CA10: variants seen among roughly 807,000 people sequenced by gnomAD.
The protein encoded by CA10 is carbonic anhydrase-related protein 10.
Under a neutral mutation model 44.2 loss-of-function variants are expected in CA10, and 14 were observed. The ratio of observed to expected loss-of-function variants is 0.32; its 90% CI spans 0.21 to 0.50. CA10 has a LOEUF of 0.50. Among genes scored for constraint, CA10 ranks in the 20% least tolerant of loss-of-function variants. The pLI is 0.99. For synonymous variants in CA10, 159 were observed against 141.6 expected (o/e 1.12, Z -0.87); for missense variants, 350 against 409.7 (o/e 0.85, Z 1.26).
chr17:51,871,480 T>C (rs977190588), intron 3 of CA10, among the ~76,000 whole-genome samples: 4 of 144,684 alleles, frequency 2.8e-5, no homozygotes, highest in Non-Finnish European at 4.5e-5. Context: ...CCTCAGGTGA[T>C]CCACCTGCCT....
At chr17:51,884,048 T>G (rs1980490171) in intron 3 of CA10, among the ~76,000 whole-genome samples, 1 of 152,184 alleles carries the variant, frequency 6.6e-6, no homozygotes, top group Admixed American at 6.5e-5. Flanking sequence ...GACCCTTCTT[T>G]TTTCTTTGCA....
intron 3 of CA10, among the ~76,000 whole-genome samples, chr17:51,867,260 A>G (rs898697938): frequency 4.6e-5 from 7 of 152,196 alleles, no homozygotes; most frequent in African/African-American, 1.7e-4. Context: ...GACTCGTGGC[A>G]TATTGAAAGG....
rs529405851 is a variant in CA10, at chr17:51,934,946, G to A, written c.137-3814C>T. ...TAGGACGAAGGCTGTGAAAACAGGC[G>A]TCCATGAAGTGCCTGTGCCTACTGG... On this transcript the variant is annotated intron_variant, in intron 2 of 8. Coordinates refer to ENST00000451037, the MANE Select transcript of CA10 (RefSeq NM_020178.5). 7.9e-4 allele frequency among the ~76,000 whole-genome samples: 120 copies of A among 152,234 alleles called. 2 individuals carry two copies. In the South Asian group the frequency reaches 0.022, roughly 28 times the overall value.
intron 4 of CA10, among the ~76,000 whole-genome samples, chr17:51,667,205 G>C (rs1239144350): frequency 1.3e-5 from 2 of 152,192 alleles, no homozygotes; most frequent in Non-Finnish European, 2.9e-5. Context: ...AAAAGGAATT[G>C]TGACTTCTGA....
At chr17:51,867,953 G>A (rs1189262396) in intron 3 of CA10, among the ~76,000 whole-genome samples, 1 of 151,988 alleles carries the variant, frequency 6.6e-6, no homozygotes, top group Non-Finnish European at 1.5e-5. Flanking sequence ...AATCTAAACA[G>A]TTTGATGATG....
At chr17:51,844,910 A>T (rs1978423882) in intron 3 of CA10, among the ~76,000 whole-genome samples, 1 of 152,182 alleles carries the variant, frequency 6.6e-6, no homozygotes. Flanking sequence ...GTCTTTGCAG[A>T]TATAATTAGT....
chr17:51,883,888 G>A (rs1980483165), intron 3 of CA10, among the ~76,000 whole-genome samples: 1 of 152,110 alleles, frequency 6.6e-6, no homozygotes, highest in Non-Finnish European at 1.5e-5. Flanking sequence ...CCACTTGGAT[G>A]TTTGACAAAT....
chr17:51,930,417 T>G (rs999122564), intron 3 of CA10, among the ~76,000 whole-genome samples: 1 of 152,052 alleles, frequency 6.6e-6, no homozygotes, highest in South Asian at 2.1e-4. Flanking sequence ...GAGCTCGTTA[T>G]GGGGGGAGGA....
rs181838162 is a variant in CA10 at position 51,888,255 on chromosome 17, A to G, written c.279+42735T>C. On this transcript the variant is annotated intron_variant, in intron 3 of 8. Coordinates refer to ENST00000451037, the MANE Select transcript of CA10 (RefSeq NM_020178.5). ...AAGGAGGAAGGAAAAAGAAATAGAA[A>G]AAAAGAAAAGATACACAAATAGAAG... Among the ~76,000 whole-genome samples, 28 of 152,274 alleles carry G rather than the reference A, an allele frequency of 1.8e-4. No individual in the cohort carries two copies. The East Asian group carries it at 4.8e-3, about 26-fold the overall frequency.
chr17:51,974,061 T>C (rs1279822612), intron 2 of CA10, among the ~76,000 whole-genome samples: 2 of 152,086 alleles, frequency 1.3e-5, no homozygotes, highest in East Asian at 3.9e-4. Context: ...GAATAGAAAT[T>C]CTACAACTGA....
intron 3 of CA10, among the ~76,000 whole-genome samples, chr17:51,927,712 T>C (rs1982488759): frequency 6.6e-6 from 1 of 152,148 alleles, no homozygotes; most frequent in South Asian, 2.1e-4. Flanking sequence ...ATTTTACAAG[T>C]TCAATGGCTA....
rs1391953550 is a variant in CA10 at position 52,047,234 on chromosome 17, G to T, written c.136+25085C>A. Among the ~76,000 whole-genome samples, 6 of 152,028 alleles carry T rather than the reference G, an allele frequency of 3.9e-5. 1 individual carries two copies. The East Asian group carries it at 1.2e-3, about 30-fold the overall frequency. ...TGCTACAAAAGATTATATGCATATG[G>T]TTCTCTTAATATGAACCTCTGGGAA... On this transcript the variant is annotated intron_variant, in intron 2 of 8. Coordinates refer to ENST00000451037, the MANE Select transcript of CA10 (RefSeq NM_020178.5).
chr17:51,848,307 G>T (rs546760403), intron 3 of CA10, among the ~76,000 whole-genome samples: 2 of 151,930 alleles, frequency 1.3e-5, no homozygotes, highest in South Asian at 4.2e-4. Context: ...AGTTTTTTTG[G>T]TGTCCCCTTA....
intron 3 of CA10, among the ~76,000 whole-genome samples, chr17:51,758,540 T>G (rs1293630797): frequency 2.0e-5 from 3 of 152,180 alleles, no homozygotes; most frequent in South Asian, 2.1e-4. Context: ...ACGTAGTCAT[T>G]GGCGCTGAAG....
At chr17:52,008,050 A>C (rs1212184343) in intron 2 of CA10, among the ~76,000 whole-genome samples, 1 of 151,474 alleles carries the variant, frequency 6.6e-6, no homozygotes, top group East Asian at 1.9e-4. Context: ...TTTTTTCATT[A>C]CTCATTCAGT....
intron 4 of CA10, among the ~76,000 whole-genome samples, chr17:51,669,892 A>T (rs1316207668): frequency 3.3e-5 from 5 of 152,166 alleles, no homozygotes; most frequent in African/African-American, 1.2e-4. Context: ...TCTTATCTTG[A>T]ATTTTAGCTC....
At chr17:51,653,003 A>T (rs939869046) in intron 5 of CA10, among the ~76,000 whole-genome samples, 29 of 151,314 alleles carry the variant, frequency 1.9e-4, no homozygotes, top group African/African-American at 6.8e-4. Flanking sequence ...GGTAATTAGT[A>T]TTTTTTTTTA....
chr17:51,719,568 C>G (rs1916284722), intron 4 of CA10, among the ~76,000 whole-genome samples: 1 of 151,944 alleles, frequency 6.6e-6, no homozygotes, highest in African/African-American at 2.4e-5. Context: ...TCATGATATC[C>G]CAGTCTTATG....
chr17:52,025,189 G>A lies in CA10; in HGVS notation c.136+47130C>T, dbSNP rs577115904. ...ACTGCTTTTAAATATGTTTTCTACT[G>A]TAAAGTGGTCATGCTTCTGAGCCTC... On this transcript the variant is annotated intron_variant, in intron 2 of 8. Transcript: ENST00000451037. Among the ~76,000 whole-genome samples the A allele has an allele frequency of 2.6e-5, 4 of 152,194 alleles. No homozygotes were observed. In the East Asian group the frequency reaches 7.8e-4, roughly 30 times the overall value.
Sources: gnomAD v4.1 joint callset for allele counts (sites outside exome capture counted in the v4.1 genomes callset) on GRCh38, gnomAD v4.1.1 for gene constraint, MANE v1.5 for transcripts, NCBI Gene and HGNC (gene_info 2026-07-23, HGNC 2026-07-21) for gene names.